The following GALNT4 variants were observed in gnomAD, a reference collection of about 807,000 sequenced individuals.
GALNT4 encodes polypeptide N-acetylgalactosaminyltransferase 4.
In GALNT4, 23 loss-of-function variants were observed where a neutral mutation model predicts 45.1. That is an observed-to-expected ratio of 0.51 (90% CI 0.37 to 0.72). The LOEUF (loss-of-function observed/expected upper bound fraction) is 0.72. Among genes scored for constraint, GALNT4 ranks in the 30% least tolerant of loss-of-function variants. The pLI is 0.00. For missense variants in GALNT4, 757 were observed against 709.0 expected (o/e 1.07, Z -0.77); for synonymous variants, 264 against 257.6 (o/e 1.02, Z -0.24).
Position 89,524,135 on chromosome 12 carries a change from CA to C in GALNT4, c.414del (p.Val139LeufsTer21). On this transcript the variant is annotated frameshift_variant, in exon 1 of 1. Transcript: ENST00000529983. LOFTEE classifies it high-confidence loss of function. Reference protein sequence around the residue: ...KFNYRTLPTTSVIIAFYNEAW... With the variant: ...KFNYRTLPTTXVIIAFYNEAW... ...GCTTCGTTATAGAAAGCAATGATAA[CA>C]GAGGTGGTAGGAAGTGTCCTATAGT... The C allele has an allele frequency of 6.2e-7, 1 of 1,614,000 alleles. No homozygotes were observed. Among genetic ancestry groups the C allele is most frequent in the South Asian group, 1.1e-5 (1 of 91,086 alleles).
rs762999008 is a variant in GALNT4, at chr12:89,524,564, C to G, written c.-15G>C. On this transcript the variant is annotated 5_prime_UTR_variant, in exon 1 of 1. Transcript: ENST00000529983. ...CTCACCGCCATCCGGATTCTCAGGG[C>G]TGAGGCGCAGACGCGGCCACCAAGC... 6.2e-7 allele frequency: 1 copy of G among 1,610,200 alleles called. No individual in the cohort carries two copies. The highest frequency in any genetic ancestry group is 8.5e-7 in the Non-Finnish European group (1 of 1,179,636).
In GALNT4 at chr12:89,524,332, G is replaced by A. The variant is rs763913211; in HGVS notation, c.218C>T (p.Ala73Val). The A allele has an allele frequency of 6.2e-7, 1 of 1,613,992 alleles. No homozygotes were observed. The highest frequency in any genetic ancestry group is 8.5e-7 in the Non-Finnish European group (1 of 1,179,904). Reference protein sequence around the residue: ...LYKKPPADSRALGEWGKASKL... With the variant: ...LYKKPPADSRVLGEWGKASKL... ...GCTGGCTTTCCCCCACTCCCCAAGT[G>A]CACGGGAATCTGCAGGGGGCTTCTT... Residue 73 changes from alanine (A) to valine (V), a missense_variant, in exon 1 of 1, where the codon GCA becomes GTA. Physicochemically the swap from Ala to Val is moderately conservative, Grantham distance 64. Coordinates refer to ENST00000529983, the MANE Select transcript of GALNT4 (RefSeq NM_003774.5).
rs559429630 is a variant in GALNT4, at chr12:89,519,794, G to A, written c.*3019C>T. On this transcript the variant is annotated 3_prime_UTR_variant, in exon 1 of 1. Transcript: ENST00000529983. Reference sequence around the variant, plus strand: ...TATTTTGAGTTATAGGGATCCTCCTGGTGACTAGATTTTTTTTAATGACTA... The same window carrying A: ...TATTTTGAGTTATAGGGATCCTCCTAGTGACTAGATTTTTTTTAATGACTA... The A allele has an allele frequency of 1.1e-5, 1 of 92,910 alleles. No homozygotes were observed. Among genetic ancestry groups the A allele is most frequent in the East Asian group, 3.4e-4 (1 of 2,968 alleles). The allele number at this position is 92,910 out of a possible 1,614,324, so 5.8% of individuals were successfully genotyped here.
Position 89,524,333 on chromosome 12 carries a change from C to T in GALNT4, c.217G>A (p.Ala73Thr), listed in dbSNP as rs1302647270. The change falls in exon 1 of 1, where the codon GCA becomes ACA. Residue 73 changes from alanine to threonine, a missense_variant. Ala to Thr is a moderately conservative substitution (Grantham distance 58). Transcript: ENST00000529983. Reference protein sequence around the residue: ...LYKKPPADSRALGEWGKASKL... With the variant: ...LYKKPPADSRTLGEWGKASKL... ...CTGGCTTTCCCCCACTCCCCAAGTG[C>T]ACGGGAATCTGCAGGGGGCTTCTTA... is the stretch of plus-strand genomic sequence containing the variant. 5 of 1,614,038 alleles carry T rather than the reference C, an allele frequency of 3.1e-6. No homozygotes were observed. Among genetic ancestry groups the T allele is most frequent in the Non-Finnish European group, 4.2e-6 (5 of 1,179,914 alleles).
chr12:89,522,509 A>G lies in GALNT4; in HGVS notation c.*304T>C, dbSNP rs1870970097. 2 of 345,488 alleles carry G rather than the reference A, an allele frequency of 5.8e-6. No individual in the cohort carries two copies. Among genetic ancestry groups the G allele is most frequent in the Admixed American group, 9.2e-5 (2 of 21,732 alleles). 21.4% of individuals were successfully genotyped at this position (345,488 alleles called of 1,614,324 possible). A position where few individuals can be genotyped will look rare whatever the true frequency, so the allele number is the denominator to read the frequency against. The stretch of plus-strand genomic sequence containing the variant: ...TTGGACCTTTACATTCTTTAATATT[A>G]AGTCTGGCACTTAAATGTTTTGTGT... On this transcript the variant is annotated 3_prime_UTR_variant, in exon 1 of 1. Transcript: ENST00000529983.
chr12:89,524,710 T>A lies in GALNT4; in HGVS notation c.-161A>T. The A allele has an allele frequency of 1.3e-6, 1 of 744,344 alleles. No individual in the cohort carries two copies. Among genetic ancestry groups the A allele is most frequent in the Non-Finnish European group, 2.2e-6 (1 of 453,718 alleles). 46.1% of individuals were successfully genotyped at this position (744,344 alleles called of 1,614,324 possible). On this transcript the variant is annotated 5_prime_UTR_variant, in exon 1 of 1. Transcript: ENST00000529983. The stretch of plus-strand genomic sequence containing the variant: ...CCACCCAGGCTTTCCAGGGGTCACC[T>A]GAGCCCTCTCGGTCCTCGGCCTCCG...
Position 89,522,374 on chromosome 12 carries a change from A to T in GALNT4, c.*439T>A. Reference sequence around the variant, plus strand: ...TGTGCTGGCTAAAAAAGAAATACAAATTCTATGTAATCAAAATAGCAATGG... The same window carrying T: ...TGTGCTGGCTAAAAAAGAAATACAATTTCTATGTAATCAAAATAGCAATGG... On this transcript the variant is annotated 3_prime_UTR_variant, in exon 1 of 1. Transcript: ENST00000529983. 2.6e-6 allele frequency: 1 copy of T among 389,384 alleles called. No homozygotes were observed. The highest frequency in any genetic ancestry group is 3.6e-5 in the East Asian group (1 of 27,490). 24.1% of individuals were successfully genotyped at this position (389,384 alleles called of 1,614,324 possible). A position where few individuals can be genotyped will look rare whatever the true frequency, so the allele number is the denominator to read the frequency against.
Position 89,522,570 on chromosome 12 carries a change from C to A in GALNT4, c.*243G>T, listed in dbSNP as rs114157238. On this transcript the variant is annotated 3_prime_UTR_variant, in exon 1 of 1. Transcript: ENST00000529983. ...ATAGTCAACTTCTTTTAAGAAGAGA[C>A]CATATTGACAAAACTCTTATATAAA... is the stretch of plus-strand genomic sequence containing the variant. 792 of 388,058 alleles carry A rather than the reference C, an allele frequency of 2.0e-3. 12 individuals are homozygous for A. Among genetic ancestry groups the A allele is most frequent in the African/African-American group, 0.015 (705 of 48,398 alleles). The allele number at this position is 388,058 out of a possible 1,614,324, so 24.0% of individuals were successfully genotyped here. A position where few individuals can be genotyped will look rare whatever the true frequency, so the allele number is the denominator to read the frequency against.
At position 89,522,363 on chromosome 12, in the gene GALNT4, AAG is replaced by A; in HGVS notation, c.*448_*449del. The A allele has an allele frequency of 5.1e-6, 2 of 392,642 alleles. No homozygotes were observed. 24.3% of individuals were successfully genotyped at this position (392,642 alleles called of 1,614,324 possible). ...CTAAAATTTAATGTGCTGGCTAAAA[AAG>A]AAATACAAATTCTATGTAATCAAAA... is the stretch of plus-strand genomic sequence containing the variant. On this transcript the variant is annotated 3_prime_UTR_variant, in exon 1 of 1. Coordinates refer to ENST00000529983, the MANE Select transcript of GALNT4 (RefSeq NM_003774.5).
chr12:89,524,526 T>A lies in GALNT4; in HGVS notation c.24A>T (p.Ala8=). The change falls in exon 1 of 1, where the codon GCA becomes GCT. Residue 8 remains alanine, a synonymous_variant. Coordinates refer to ENST00000529983, the MANE Select transcript of GALNT4 (RefSeq NM_003774.5). ...ACGCCAGCAGCAGGCAGCTCTTGCC[T>A]GCCCAAGTCCACCTCACCGCCATCC... MAVRWTW[A]GKSCLLLAFL... is the part of the protein sequence containing the mutation. 1.2e-6 allele frequency: 2 copies of A among 1,611,700 alleles called. No homozygotes were observed.
Position 89,523,471 on chromosome 12 carries a change from A to C in GALNT4, c.1079T>G (p.Val360Gly). The change falls in exon 1 of 1, where the codon GTG becomes GGG. Residue 360 changes from valine to glycine, a missense_variant. By Grantham distance (109) the Val-to-Gly change is moderately radical. Coordinates refer to ENST00000529983, the MANE Select transcript of GALNT4 (RefSeq NM_003774.5). ...GKLEIHPCSH[V>G]GHVFPKRAPY... ...TGCCCGCTTGGGGAACACATGGCCC[A>C]CGTGGGAACACGGGTGGATCTCCAA... 6.2e-7 allele frequency: 1 copy of C among 1,613,800 alleles called. No homozygotes were observed. Among genetic ancestry groups the C allele is most frequent in the East Asian group, 2.2e-5 (1 of 44,880 alleles).
In GALNT4 at chr12:89,523,368, G is replaced by A. The variant is rs758077834; in HGVS notation, c.1182C>T (p.Phe394=). ...EVWMDEYKEH[F]YNRNPPARKE... Reference sequence around the variant, plus strand: ...TTCTTGCTGGAGGGTTTCTATTGTAGAAGTGCTCTTTGTATTCATCCATCC... The same window carrying A: ...TTCTTGCTGGAGGGTTTCTATTGTAAAAGTGCTCTTTGTATTCATCCATCC... The change falls in exon 1 of 1, where the codon TTC becomes TTT. Residue 394 remains phenylalanine (F), a synonymous_variant. Transcript: ENST00000529983. The A allele has an allele frequency of 1.9e-6, 3 of 1,614,026 alleles. No homozygotes were observed. Among genetic ancestry groups the A allele is most frequent in the East Asian group, 4.5e-5 (2 of 44,880 alleles).
At position 89,524,056 on chromosome 12, in the gene GALNT4, A is replaced by C; in HGVS notation, c.494T>G (p.Val165Gly). The change falls in exon 1 of 1, where the codon GTT becomes GGT. Residue 165 changes from valine to glycine, a missense_variant. Physicochemically the swap from Val to Gly is moderately radical, Grantham distance 109. Coordinates refer to ENST00000529983, the MANE Select transcript of GALNT4 (RefSeq NM_003774.5). ...CACCAAGATGATCTCTTTCAAAAGA[A>C]CTGCAGGAGAAGTTTCTAAAACACT... The part of the protein sequence containing the change: ...IHSVLETSPA[V>G]LLKEIILVDD... 3 of 1,613,672 alleles carry C rather than the reference A, an allele frequency of 1.9e-6. No individual in the cohort carries two copies. Among genetic ancestry groups the C allele is most frequent in the Non-Finnish European group, 2.5e-6 (3 of 1,179,754 alleles).
rs1411568250 is a variant in GALNT4, at chr12:89,523,435, C to T, written c.1115G>A (p.Arg372His). ...AGCAGTATTCTGTAGGAAATTGGGG[C>T]GAGCATATGGTGCCCGCTTGGGGAA... ...HVFPKRAPYA[R>H]PNFLQNTARA... Residue 372 changes from arginine to histidine, a missense_variant, in exon 1 of 1, where the codon CGC becomes CAC. Arg to His is a conservative substitution (Grantham distance 29, BLOSUM62 0). Transcript: ENST00000529983. 3.7e-6 allele frequency: 6 copies of T among 1,614,030 alleles called. No individual in the cohort carries two copies. Among genetic ancestry groups the T allele is most frequent in the Admixed American group, 1.7e-5 (1 of 60,016 alleles).
In GALNT4 at chr12:89,523,209, A is replaced by T; in HGVS notation, c.1341T>A (p.Ala447=). ...VPEDRPGWHG[A]IRSRGISSEC... is the part of the protein sequence containing the mutation. ...CAGACGAGATCCCTCTACTGCGAAT[A>T]GCCCCATGCCAGCCTGGTCTATCCT... The change falls in exon 1 of 1, where the codon GCT becomes GCA. Residue 447 remains alanine (A), a synonymous_variant. Transcript: ENST00000529983. The T allele has an allele frequency of 6.2e-7, 1 of 1,614,022 alleles. No homozygotes were observed. The highest frequency in any genetic ancestry group is 8.5e-7 in the Non-Finnish European group (1 of 1,179,880).
Position 89,523,142 on chromosome 12 carries a change from C to T in GALNT4, c.1408G>A (p.Ala470Thr). The T allele has an allele frequency of 1.2e-6, 2 of 1,613,814 alleles. No individual in the cohort carries two copies. The highest frequency in any genetic ancestry group is 1.7e-6 in the Non-Finnish European group (2 of 1,179,752). ...TGGCATCCAAACAGTGAAAGGTTAG[C>T]ACCTGTGGGGTTGTTGTCAGGAGAA... ...YNSPDNNPTG[A>T]NLSLFGCHGQ... Residue 470 changes from alanine to threonine, a missense_variant, in exon 1 of 1, where the codon GCT becomes ACT. Coordinates refer to ENST00000529983, the MANE Select transcript of GALNT4 (RefSeq NM_003774.5).
At position 89,520,905 on chromosome 12, in the gene GALNT4, T is replaced by TA. The variant is rs1452645492; in HGVS notation, c.*1907dup. The TA allele has an allele frequency of 7.2e-5, 11 of 152,106 alleles. No homozygotes were observed. Among genetic ancestry groups the TA allele is most frequent in the African/African-American group, 1.7e-4 (7 of 41,432 alleles). 9.4% of individuals were successfully genotyped at this position (152,106 alleles called of 1,614,324 possible). On this transcript the variant is annotated 3_prime_UTR_variant, in exon 1 of 1. Coordinates refer to ENST00000529983, the MANE Select transcript of GALNT4 (RefSeq NM_003774.5). The stretch of plus-strand genomic sequence containing the variant: ...GGTATAAAACCAGTAAAAATACTTT[T>TA]AAAAAAAGCGTTTACTTCCCGAGTA...
rs1465747098 is a variant in GALNT4, at chr12:89,521,756, T to A, written c.*1057A>T. ...GCTGCCTAAGTGCCAGGCTCGGTGCTAGGAGATTGAAAGCACCATTCACAA... is the reference window on the plus strand; with the variant it reads ...GCTGCCTAAGTGCCAGGCTCGGTGCAAGGAGATTGAAAGCACCATTCACAA... On this transcript the variant is annotated 3_prime_UTR_variant, in exon 1 of 1. Coordinates refer to ENST00000529983, the MANE Select transcript of GALNT4 (RefSeq NM_003774.5). The A allele has an allele frequency of 2.8e-6, 1 of 355,360 alleles. No homozygotes were observed. Among genetic ancestry groups the A allele is most frequent in the East Asian group, 4.1e-5 (1 of 24,620 alleles). 22.0% of individuals were successfully genotyped at this position (355,360 alleles called of 1,614,324 possible). A position where few individuals can be genotyped will look rare whatever the true frequency, so the allele number is the denominator to read the frequency against.
chr12:89,523,581 G>A lies in GALNT4; in HGVS notation c.969C>T (p.Tyr323=), dbSNP rs762041232. The stretch of plus-strand genomic sequence containing the variant: ...CCATTCCTGTGTCATACGTTCCAAG[G>A]TACTGAAAATATTTCTTGCTGACAG... The part of the protein sequence containing the change: ...LFAVSKKYFQ[Y]LGTYDTGMEV... The change falls in exon 1 of 1, where the codon TAC becomes TAT. Residue 323 remains tyrosine (Y), a synonymous_variant. Coordinates refer to ENST00000529983, the MANE Select transcript of GALNT4 (RefSeq NM_003774.5). The A allele has an allele frequency of 1.9e-6, 3 of 1,578,358 alleles. No homozygotes were observed. The highest frequency in any genetic ancestry group is 2.6e-6 in the Non-Finnish European group (3 of 1,166,132).
Sources: gnomAD v4.1 joint callset for allele counts on GRCh38, gnomAD v4.1.1 for gene constraint, MANE v1.5 for transcripts, NCBI Gene and HGNC (gene_info 2026-07-23, HGNC 2026-07-21) for gene names.